The following PIEZO2 variants were observed in gnomAD, a reference collection of about 807,000 sequenced individuals.
PIEZO2 encodes the protein piezo type mechanosensitive ion channel component 2.
A neutral mutation model predicts 337.3 loss-of-function variants in PIEZO2; 172 were observed. The observed-to-expected ratio is 0.51, with a 90% CI of 0.45 to 0.58. PIEZO2 has a LOEUF of 0.58. Ranked by LOEUF, PIEZO2 falls within the 20% of genes least tolerant of loss-of-function variation. PIEZO2 has a pLI of 0.00. For missense variants in PIEZO2, 3,028 were observed against 3,391.3 expected, an observed-to-expected ratio of 0.89 and a Z score of 2.66; for synonymous variants, 1,251 against 1,228.5, an observed-to-expected ratio of 1.02 and a Z score of -0.38.
At position 11,001,213 on chromosome 18, in the gene PIEZO2, C is replaced by A. The variant is rs565547303; in HGVS notation, c.161-21553G>T. ...GTAAGCCTCCTGAAGGCAGGGCTGC[C>A]GCTAGCATATGGTCTCCAGCTCAGA... On this transcript the variant is annotated intron_variant, in intron 2 of 55. Coordinates refer to ENST00000674853, the MANE Select transcript of PIEZO2 (RefSeq NM_001378183.1). The surrounding 1 kb of genome is among the most constrained non-coding windows in gnomAD (Gnocchi z 5.3). Among the ~76,000 whole-genome samples, 2 of 152,078 alleles carry A rather than the reference C, an allele frequency of 1.3e-5. No individual in the cohort carries two copies. Among genetic ancestry groups the A allele is most frequent in the Non-Finnish European group, 2.9e-5 (2 of 68,018 alleles).
intron 7 of PIEZO2, among the ~76,000 whole-genome samples, chr18:10,839,580 GGGA>G (rs1424418278): frequency 1.3e-5 from 2 of 152,214 alleles, no homozygotes; most frequent in Admixed American, 1.3e-4. Flanking sequence ...GGCTGGTGGA[GGGA>G]GGAGATGATG....
intron 32 of PIEZO2, among the ~76,000 whole-genome samples, chr18:10,741,956 A>G (rs938161942): frequency 6.6e-6 from 1 of 152,274 alleles, no homozygotes; most frequent in Admixed American, 6.5e-5. Context: ...GATCGAGACC[A>G]TCCGTGCTAA....
chr18:10,908,137 A>G (rs2145052571), intron 4 of PIEZO2, among the ~76,000 whole-genome samples: 1 of 152,380 alleles, frequency 6.6e-6, no homozygotes, highest in South Asian at 2.1e-4. Context: ...CACAGCTTCC[A>G]GAGAGACAAC....
intron 7 of PIEZO2, among the ~76,000 whole-genome samples, chr18:10,829,929 T>TAC (rs2040792683): frequency 1.4e-5 from 2 of 143,002 alleles, no homozygotes; most frequent in African/African-American, 5.3e-5. Context: ...TTCACAGAAG[T>TAC]AGAAAAAAAA....
At chr18:10,675,326 G>T (rs748142307) in intron 53 of PIEZO2, 38 bp from the exon 54 acceptor site, 9 of 1,309,934 alleles carry the variant, frequency 6.9e-6, no homozygotes, top group Non-Finnish European at 8.3e-6. Flanking sequence ...TTACGTTTTA[G>T]TTGTTTTACC....
At chr18:10,902,935 G>C (rs896321204) in intron 4 of PIEZO2, among the ~76,000 whole-genome samples, 1 of 152,138 alleles carries the variant, frequency 6.6e-6, no homozygotes, top group East Asian at 1.9e-4. Flanking sequence ...AATGTGCCTC[G>C]AATTGTCCAA....
At position 10,899,871 on chromosome 18, in the gene PIEZO2, C is replaced by T. The variant is rs532227779; in HGVS notation, c.329+11315G>A. 1.3e-5 allele frequency among the ~76,000 whole-genome samples: 2 copies of T among 152,236 alleles called. No homozygotes were observed. Among genetic ancestry groups the T allele is most frequent in the Admixed American group, 1.3e-4 (2 of 15,280 alleles). ...TTCAGTTTTTTAGTTCAAGAATGCACTGTTTTCTGTAGGATCTCATTGTCA... is the reference window on the plus strand; with the variant it reads ...TTCAGTTTTTTAGTTCAAGAATGCATTGTTTTCTGTAGGATCTCATTGTCA... On this transcript the variant is annotated intron_variant, in intron 4 of 55. Transcript: ENST00000674853. The surrounding 1 kb of genome is among the most constrained non-coding windows in gnomAD (Gnocchi z 4.6).
At chr18:11,057,345 G>C (rs1389495755) in intron 2 of PIEZO2, among the ~76,000 whole-genome samples, 1 of 152,000 alleles carries the variant, frequency 6.6e-6, no homozygotes, top group Admixed American at 6.6e-5. Context: ...TGCTAGTTGG[G>C]GCCTTATCTA....
Position 10,837,453 on chromosome 18 carries a change from A to G in PIEZO2, c.917+17900T>C, listed in dbSNP as rs983465734. Among the ~76,000 whole-genome samples the G allele has an allele frequency of 2.6e-5, 4 of 152,166 alleles. No homozygotes were observed. Among genetic ancestry groups the G allele is most frequent in the African/African-American group, 9.7e-5 (4 of 41,442 alleles). On this transcript the variant is annotated intron_variant, in intron 7 of 55. Coordinates refer to ENST00000674853, the MANE Select transcript of PIEZO2 (RefSeq NM_001378183.1). The surrounding 1 kb of genome is among the most constrained non-coding windows in gnomAD (Gnocchi z 4.4). ...GCTCCATCACGCTGGACTCGCTGGA[A>G]TGGGGGTAATGAGGATGACCCATCC... is the stretch of plus-strand genomic sequence containing the variant.
intron 14 of PIEZO2, among the ~76,000 whole-genome samples, chr18:10,789,575 A>C (rs1371979231): frequency 6.6e-6 from 1 of 152,250 alleles, no homozygotes. Context: ...GTTTACAAGA[A>C]AATAAATTTG....
In PIEZO2 at chr18:11,143,631, ACACACACACTCTCTCT is replaced by A. The variant is rs1396089699; in HGVS notation, c.64+4878_64+4893del. 3.9e-4 allele frequency among the ~76,000 whole-genome samples: 25 copies of A among 63,904 alleles called. No individual in the cohort carries two copies. Among genetic ancestry groups the A allele is most frequent in the African/African-American group, 2.1e-3 (24 of 11,500 alleles). The allele number at this position is 63,904 out of a possible 152,430, so 41.9% of individuals were successfully genotyped here. A position where few individuals can be genotyped will look rare whatever the true frequency, so the allele number is the denominator to read the frequency against. ...CACACACACACACACACACACACAC[ACACACACACTCTCTCT>A]CTCTCTCTCTCTCTCTCTCTCTCTC... On this transcript the variant is annotated intron_variant, in intron 1 of 55. Coordinates refer to ENST00000674853, the MANE Select transcript of PIEZO2 (RefSeq NM_001378183.1). The surrounding 1 kb of genome is among the most constrained non-coding windows in gnomAD (Gnocchi z 4.9).
chr18:11,076,747 G>A (rs2038561675), intron 1 of PIEZO2, among the ~76,000 whole-genome samples: 1 of 152,108 alleles, frequency 6.6e-6, no homozygotes, highest in Admixed American at 6.5e-5. Context: ...ATTAGTAACA[G>A]TATTAAACAG....
Position 10,854,324 on chromosome 18 carries a change from T to A in PIEZO2, c.917+1029A>T, listed in dbSNP as rs150668299. 2.0e-5 allele frequency among the ~76,000 whole-genome samples: 3 copies of A among 152,302 alleles called. No individual in the cohort carries two copies. The East Asian group carries it at 5.8e-4, about 29-fold the overall frequency. On this transcript the variant is annotated intron_variant, in intron 7 of 55. Transcript: ENST00000674853. The surrounding 1 kb of genome is among the most constrained non-coding windows in gnomAD (Gnocchi z 4.6). ...AATTCCTCAAGATATTGATCACACC[T>A]TTGGAAAGATGTTATTTTTTTTCTT...
At chr18:10,909,330 G>T (rs1277533937) in intron 4 of PIEZO2, among the ~76,000 whole-genome samples, 1 of 152,180 alleles carries the variant, frequency 6.6e-6, no homozygotes, top group Non-Finnish European at 1.5e-5. Context: ...AAAAATGAAA[G>T]GAAGCTGGAG....
In PIEZO2 at chr18:10,807,097, T is replaced by C; in HGVS notation, c.1080+15A>G. On this transcript the variant is annotated intron_variant, in intron 8 of 55. Coordinates refer to ENST00000674853, the MANE Select transcript of PIEZO2 (RefSeq NM_001378183.1). ...TACTTTGCAGACAAGATCATGAAAA[T>C]GTTTTTGTCCTTACAAGGGGCTCTT... The C allele has an allele frequency of 2.6e-6, 4 of 1,528,216 alleles. No homozygotes were observed. Among genetic ancestry groups the C allele is most frequent in the South Asian group, 1.2e-5 (1 of 83,742 alleles). 94.7% of individuals were successfully genotyped at this position (1,528,216 alleles called of 1,614,324 possible).
chr18:10,724,809 G>C lies in PIEZO2; in HGVS notation c.5030-6550C>G. On this transcript the variant is annotated intron_variant, in intron 36 of 55. Coordinates refer to ENST00000674853, the MANE Select transcript of PIEZO2 (RefSeq NM_001378183.1). This position sits in a 1 kb window ranked among gnomAD's most constrained non-coding sequence, Gnocchi z 5.8. ...CACTGCAGCCCCAGCCTGAGCAGCA[G>C]TCGTTCTCACAGATGCACCTGGGCC... is the stretch of plus-strand genomic sequence containing the variant. The C allele has an allele frequency of 6.3e-7, 1 of 1,591,124 alleles. No homozygotes were observed. Among genetic ancestry groups the C allele is most frequent in the Admixed American group, 1.7e-5 (1 of 57,280 alleles).
Position 10,746,180 on chromosome 18 carries a change from G to A in PIEZO2, c.4425-1949C>T, listed in dbSNP as rs1348910796. Among the ~76,000 whole-genome samples the A allele has an allele frequency of 1.3e-5, 2 of 152,202 alleles. 1 individual carries two copies. Among genetic ancestry groups the A allele is most frequent in the East Asian group, 3.8e-4 (2 of 5,200 alleles). Reference sequence around the variant, plus strand: ...CTATTCTCCATACCACAAACAGAGTGAGCTTCCTGAAATGCAAACACGTCA... The same window carrying A: ...CTATTCTCCATACCACAAACAGAGTAAGCTTCCTGAAATGCAAACACGTCA... On this transcript the variant is annotated intron_variant, in intron 30 of 55. Transcript: ENST00000674853. This position sits in a 1 kb window ranked among gnomAD's most constrained non-coding sequence, Gnocchi z 4.2.
intron 5 of PIEZO2, among the ~76,000 whole-genome samples, chr18:10,867,855 T>C (rs376105907): frequency 2.0e-5 from 3 of 152,362 alleles, no homozygotes; most frequent in Admixed American, 6.5e-5. Context: ...TTATGACTGA[T>C]TTGTAGATCT....
At chr18:10,714,657 G>A in intron 39 of PIEZO2, 107 bp downstream of exon 39, 2 of 1,287,842 alleles carry the variant, frequency 1.6e-6, no homozygotes, top group Non-Finnish European at 2.1e-6. Context: ...GGGGGTCCAT[G>A]CATGGTTTTG....
Sources: allele counts gnomAD v4.1 joint callset (sites outside exome capture counted in the v4.1 genomes callset), GRCh38; gene constraint gnomAD v4.1.1; non-coding constraint Gnocchi (gnomAD v3.1); transcripts MANE v1.5; gene names NCBI Gene and HGNC (gene_info 2026-07-23, HGNC 2026-07-21).